GALNT18: variants seen among roughly 807,000 people sequenced by gnomAD.
The protein encoded by GALNT18 is GalNAc-transferase 18.
A neutral mutation model predicts 69.5 loss-of-function variants in GALNT18; 44 were observed. The ratio of observed to expected loss-of-function variants is 0.63; its 90% CI spans 0.50 to 0.81. GALNT18 has a LOEUF of 0.81. Ranked by LOEUF, GALNT18 falls within the 40% of genes least tolerant of loss-of-function variation. The probability of loss-of-function intolerance (pLI) is 0.00; values close to 1 mark genes in which losing one functional copy is unlikely to be tolerated. For synonymous variants in GALNT18, 364 were observed against 318.2 expected (o/e 1.14, Z -1.53); for missense variants, 715 against 810.0 (o/e 0.88, Z 1.42).
rs1387545219 is a variant in GALNT18, at chr11:11,341,780, G to A, written c.1093-776C>T. Reference sequence around the variant, plus strand: ...TCCATTCTGCTGGTAATTTTAGAATGCCCCACTGCCCCCAACTCCTTCTTC... The same window carrying A: ...TCCATTCTGCTGGTAATTTTAGAATACCCCACTGCCCCCAACTCCTTCTTC... On this transcript the variant is annotated intron_variant, in intron 6 of 10. Coordinates refer to ENST00000227756, the MANE Select transcript of GALNT18 (RefSeq NM_198516.3). This position sits in a 1 kb window ranked among gnomAD's most constrained non-coding sequence, Gnocchi z 6.3. Among the ~76,000 whole-genome samples, 1 of 151,792 alleles carries A rather than the reference G, an allele frequency of 6.6e-6. No individual in the cohort carries two copies. The highest frequency in any genetic ancestry group is 6.6e-5 in the Admixed American group (1 of 15,240).
At chr11:11,533,668 C>T (rs1370608207) in intron 1 of GALNT18, among the ~76,000 whole-genome samples, 1 of 152,230 alleles carries the variant, frequency 6.6e-6, no homozygotes, top group African/African-American at 2.4e-5. Flanking sequence ...ACAAACGAAA[C>T]AGTGTATTCT....
chr11:11,476,175 A>G (rs911826059), intron 1 of GALNT18: 1 of 152,202 alleles, frequency 6.6e-6, no homozygotes, highest in Non-Finnish European at 1.5e-5. Context: ...GGAAATCAGA[A>G]ATCAATTAGT....
intron 10 of GALNT18, among the ~76,000 whole-genome samples, chr11:11,288,092 A>G (rs771803605): frequency 3.3e-5 from 5 of 152,242 alleles, no homozygotes; most frequent in Non-Finnish European, 5.9e-5. Flanking sequence ...TTCAGCTGCC[A>G]GGGGGATTTT....
intron 9 of GALNT18, among the ~76,000 whole-genome samples, chr11:11,302,978 C>A (rs1286264048): frequency 6.6e-6 from 1 of 152,184 alleles, no homozygotes; most frequent in South Asian, 2.1e-4. Flanking sequence ...GGACAAAGCT[C>A]GAGTGACTCC....
At chr11:11,509,038 T>C (rs1857121495) in intron 1 of GALNT18, among the ~76,000 whole-genome samples, 2 of 151,942 alleles carry the variant, frequency 1.3e-5, no homozygotes, top group South Asian at 4.2e-4. Flanking sequence ...CTTCCCTACC[T>C]CTCGGACCAA....
Position 11,459,910 on chromosome 11 carries a change from A to T in GALNT18, c.236-10974T>A, listed in dbSNP as rs952484795. Among the ~76,000 whole-genome samples the T allele has an allele frequency of 6.6e-6, 1 of 152,064 alleles. No homozygotes were observed. The highest frequency in any genetic ancestry group is 6.5e-5 in the Admixed American group (1 of 15,272). On this transcript the variant is annotated intron_variant, in intron 1 of 10. Coordinates refer to ENST00000227756, the MANE Select transcript of GALNT18 (RefSeq NM_198516.3). The surrounding 1 kb of genome is among the most constrained non-coding windows in gnomAD (Gnocchi z 5.0). ...TTGGTAGGGCCATTCTCCTTTCTGG[A>T]AGCTCTGGAGGAGAGATTCTGTTTC...
intron 1 of GALNT18, among the ~76,000 whole-genome samples, chr11:11,518,941 C>T (rs1254657943): frequency 6.6e-6 from 1 of 152,210 alleles, no homozygotes; most frequent in African/African-American, 2.4e-5. Context: ...CCCCTTTCCA[C>T]TCTAAGGATG....
Position 11,383,269 on chromosome 11 carries a change from T to G in GALNT18, c.596-4005A>C, listed in dbSNP as rs1387077883. On this transcript the variant is annotated intron_variant, in intron 3 of 10. Coordinates refer to ENST00000227756, the MANE Select transcript of GALNT18 (RefSeq NM_198516.3). This position sits in a 1 kb window ranked among gnomAD's most constrained non-coding sequence, Gnocchi z 5.2. ...TCACCAGCCTGGTCAAACAGAGCCC[T>G]TCTCCCTTCCTCATCTACCCCCTTC... is the stretch of plus-strand genomic sequence containing the variant. Among the ~76,000 whole-genome samples the G allele has an allele frequency of 6.6e-6, 1 of 152,192 alleles. No individual in the cohort carries two copies. Among genetic ancestry groups the G allele is most frequent in the Admixed American group, 6.5e-5 (1 of 15,278 alleles).
intron 1 of GALNT18, among the ~76,000 whole-genome samples, chr11:11,577,267 T>C (rs1231194108): frequency 2.0e-5 from 3 of 152,172 alleles, no homozygotes; most frequent in Admixed American, 1.3e-4. Flanking sequence ...CACCAGACCC[T>C]GGTGGACTCA....
intron 10 of GALNT18, among the ~76,000 whole-genome samples, chr11:11,272,353 TC>T (rs1285825144): frequency 6.6e-6 from 1 of 152,196 alleles, no homozygotes; most frequent in Non-Finnish European, 1.5e-5. Flanking sequence ...AACTTCTTTC[TC>T]TCACTGGGAC....
rs541177291 is a variant in GALNT18 at position 11,540,017 on chromosome 11, G to A, written c.235+81342C>T. On this transcript the variant is annotated intron_variant, in intron 1 of 10. Transcript: ENST00000227756. This position sits in a 1 kb window ranked among gnomAD's most constrained non-coding sequence, Gnocchi z 4.6. ...AAATGAGGGGAGACGGAGCTGCACAGGGGACCCCGATGCCAGTCCGGCACT... is the reference window on the plus strand; with the variant it reads ...AAATGAGGGGAGACGGAGCTGCACAAGGGACCCCGATGCCAGTCCGGCACT... 6.6e-5 allele frequency among the ~76,000 whole-genome samples: 10 copies of A among 152,348 alleles called. No homozygotes were observed. The highest frequency in any genetic ancestry group is 2.4e-4 in the African/African-American group (10 of 41,588).
chr11:11,406,855 C>A (rs1299824811), intron 3 of GALNT18, among the ~76,000 whole-genome samples: 1 of 152,184 alleles, frequency 6.6e-6, no homozygotes, highest in East Asian at 1.9e-4. Flanking sequence ...CCCATCCCCG[C>A]CCTTTTGGAA....
chr11:11,381,712 CA>C (rs1388851171), intron 3 of GALNT18, among the ~76,000 whole-genome samples: 3 of 152,182 alleles, frequency 2.0e-5, no homozygotes, highest in Non-Finnish European at 4.4e-5. Flanking sequence ...TAGGCCACCC[CA>C]CAAAGGCCCC....
chr11:11,589,602 C>G (rs185527040), intron 1 of GALNT18, among the ~76,000 whole-genome samples: 14 of 151,870 alleles, frequency 9.2e-5, no homozygotes, highest in East Asian at 5.8e-4. Flanking sequence ...TTTTTTAAGG[C>G]CTTTAAACAG....
intron 1 of GALNT18, among the ~76,000 whole-genome samples, chr11:11,506,342 G>A (rs1857069782): frequency 6.6e-6 from 1 of 152,178 alleles, no homozygotes; most frequent in Non-Finnish European, 1.5e-5. Context: ...TTCACAGGTG[G>A]CTTCTTTTTT....
chr11:11,605,827 G>C lies in GALNT18; in HGVS notation c.235+15532C>G, dbSNP rs767316888. 3.3e-5 allele frequency among the ~76,000 whole-genome samples: 5 copies of C among 152,154 alleles called. No homozygotes were observed. Among genetic ancestry groups the C allele is most frequent in the Non-Finnish European group, 7.3e-5 (5 of 68,030 alleles). On this transcript the variant is annotated intron_variant, in intron 1 of 10. Transcript: ENST00000227756. This position sits in a 1 kb window ranked among gnomAD's most constrained non-coding sequence, Gnocchi z 4.7. ...GCTTTATTAAAATGAAGATGTCGAG[G>C]GTCCCTTGAAGGCTTCAGGCTTCTC...
In GALNT18 at chr11:11,447,360, C is replaced by T. The variant is rs138191730; in HGVS notation, c.428+1384G>A. Reference sequence around the variant, plus strand: ...TGTCCCAGGTGTCTCTCTCTCTCTCCGACTTTATATTTCTCCATAGCACTC... The same window carrying T: ...TGTCCCAGGTGTCTCTCTCTCTCTCTGACTTTATATTTCTCCATAGCACTC... On this transcript the variant is annotated intron_variant, in intron 2 of 10. Transcript: ENST00000227756. Among the ~76,000 whole-genome samples the T allele has an allele frequency of 7.7e-3, 1,164 of 151,824 alleles. 7 individuals carry two copies. The highest frequency in any genetic ancestry group is 0.012 in the Non-Finnish European group (846 of 67,998).
At chr11:11,529,992 A>G (rs4910377) in intron 1 of GALNT18, among the ~76,000 whole-genome samples, 34,824 of 151,944 alleles carry the variant, frequency 0.23, 4,430 homozygotes, top group Non-Finnish European at 0.27. Context: ...AGGCAGCTGG[A>G]AGACAGCTCA....
intron 10 of GALNT18, among the ~76,000 whole-genome samples, chr11:11,277,751 G>A (rs1249825431): frequency 1.3e-5 from 2 of 152,104 alleles, no homozygotes; most frequent in African/African-American, 4.8e-5. Context: ...CCTTCATTTT[G>A]TTATTTACCC....
Sources: gnomAD v4.1 joint callset for allele counts (sites outside exome capture counted in the v4.1 genomes callset) on GRCh38, gnomAD v4.1.1 for gene constraint, Gnocchi (gnomAD v3.1) non-coding constraint, MANE v1.5 for transcripts, NCBI Gene and HGNC (gene_info 2026-07-23, HGNC 2026-07-21) for gene names.